DOCK4: variants seen among roughly 807,000 people sequenced by gnomAD.
DOCK4 encodes dedicator of cytokinesis protein 4.
A neutral mutation model predicts 268.1 loss-of-function variants in DOCK4; 97 were observed. The ratio of observed to expected loss-of-function variants is 0.36; its 90% CI spans 0.31 to 0.43. The LOEUF (loss-of-function observed/expected upper bound fraction) is 0.43, where lower values mean the gene tolerates loss of function less well. Ranked by LOEUF, DOCK4 falls within the 20% of genes least tolerant of loss-of-function variation. The probability of loss-of-function intolerance (pLI) is 1.00; values close to 1 mark genes in which losing one functional copy is unlikely to be tolerated. For synonymous variants in DOCK4, 954 were observed against 887.2 expected, an observed-to-expected ratio of 1.08 and a Z score of -1.34; for missense variants, 2,145 against 2,455.7, an observed-to-expected ratio of 0.87 and a Z score of 2.67.
At chr7:112,012,297 C>T (rs1801400579) in intron 1 of DOCK4, among the ~76,000 whole-genome samples, 1 of 151,234 alleles carries the variant, frequency 6.6e-6, no homozygotes, top group Non-Finnish European at 1.5e-5. Context: ...GCTTAAGAAC[C>T]TCAAGAGGAA....
intron 35 of DOCK4, 79 bp downstream of exon 35, chr7:111,782,785 C>G: frequency 7.0e-7 from 1 of 1,428,024 alleles, no homozygotes; most frequent in Admixed American, 1.7e-5. Flanking sequence ...GCAGATTAAA[C>G]ACAAACAAAA....
chr7:111,913,278 A>G (rs1050995333), intron 13 of DOCK4, among the ~76,000 whole-genome samples: 2 of 150,970 alleles, frequency 1.3e-5, no homozygotes, highest in African/African-American at 2.4e-5. Context: ...TCCTTTTAAC[A>G]TTGGAGGTGG....
chr7:111,861,107 AG>A (rs931601337), intron 23 of DOCK4, among the ~76,000 whole-genome samples: 1 of 152,174 alleles, frequency 6.6e-6, no homozygotes, highest in African/African-American at 2.4e-5. Flanking sequence ...GAGTTAAAGC[AG>A]GGTGCTCCGT....
intron 1 of DOCK4, among the ~76,000 whole-genome samples, chr7:112,108,384 T>C (rs1811324404): frequency 6.6e-6 from 1 of 152,186 alleles, no homozygotes; most frequent in African/African-American, 2.4e-5. Context: ...AAAGCCCTCA[T>C]TTTAGCCTGC....
chr7:111,860,740 T>C (rs991994912), intron 23 of DOCK4, among the ~76,000 whole-genome samples: 1 of 152,144 alleles, frequency 6.6e-6, no homozygotes, highest in African/African-American at 2.4e-5. Context: ...TCCCTTACCA[T>C]AGTACATACT....
chr7:112,206,388 T>C lies in DOCK4; in HGVS notation c.-250A>G. On this transcript the variant is annotated 5_prime_UTR_variant, in exon 1 of 53. An upstream start codon of the reference 5' UTR is lost. Coordinates refer to ENST00000428084, the MANE Select transcript of DOCK4 (RefSeq NM_001363540.2). ...TCCCGGGTACCCGGCGGCGCAGTCA[T>C]TGTTCTGATTCACTGAACTAAGCGA... 1 of 585,030 alleles carries C rather than the reference T, an allele frequency of 1.7e-6. No homozygotes were observed. The allele number at this position is 585,030 out of a possible 1,614,324, so 36.2% of individuals were successfully genotyped here.
In DOCK4 at chr7:111,742,250, C is replaced by T. The variant is rs7803753; in HGVS notation, c.4678-118G>A. ...TTGCATTATTGCTAATCCTCTGCCT[C>T]TGACAAGGTAGGAACAGCTGTCACT... On this transcript the variant is annotated intron_variant, in intron 44 of 52. Coordinates refer to ENST00000428084, the MANE Select transcript of DOCK4 (RefSeq NM_001363540.2). The T allele has an allele frequency of 3.5e-3, 3,898 of 1,104,296 alleles. 110 individuals are homozygous for T. In the African/African-American group the frequency reaches 0.055, roughly 15 times the overall value. 68.4% of individuals were successfully genotyped at this position (1,104,296 alleles called of 1,614,324 possible).
chr7:112,084,523 T>C (rs1174647852), intron 1 of DOCK4, among the ~76,000 whole-genome samples: 1 of 152,164 alleles, frequency 6.6e-6, no homozygotes, highest in Non-Finnish European at 1.5e-5. Flanking sequence ...TTAGCTTTGC[T>C]GAACAGTTCT....
intron 26 of DOCK4, among the ~76,000 whole-genome samples, chr7:111,828,246 C>A (rs1287413927): frequency 6.6e-6 from 1 of 152,088 alleles, no homozygotes; most frequent in Non-Finnish European, 1.5e-5. Context: ...GTCTTTGCTC[C>A]CACATACTTG....
chr7:112,016,698 G>C (rs1801838541), intron 1 of DOCK4, among the ~76,000 whole-genome samples: 1 of 152,038 alleles, frequency 6.6e-6, no homozygotes, highest in Admixed American at 6.6e-5. Flanking sequence ...AATATACTTA[G>C]TTTAGTCTTG....
chr7:111,909,892 G>T (rs1041879639), intron 13 of DOCK4, among the ~76,000 whole-genome samples: 2 of 151,854 alleles, frequency 1.3e-5, no homozygotes, highest in Non-Finnish European at 2.9e-5. Flanking sequence ...AGCCCAGAAG[G>T]CTGAGACTGT....
rs558454015 is a variant in DOCK4, at chr7:111,957,999, T to C, written c.702-12201A>G. On this transcript the variant is annotated intron_variant, in intron 8 of 52. Coordinates refer to ENST00000428084, the MANE Select transcript of DOCK4 (RefSeq NM_001363540.2). ...GACAGGGCTGAGAGCACAGTTCTTA[T>C]TAGCACAGTGTAACATGAAACAACT... Among the ~76,000 whole-genome samples, 6 of 152,338 alleles carry C rather than the reference T, an allele frequency of 3.9e-5. No homozygotes were observed. In the East Asian group the frequency reaches 1.2e-3, roughly 29 times the overall value.
At chr7:112,001,164 G>A (rs552586936) in intron 2 of DOCK4, among the ~76,000 whole-genome samples, 53 of 152,286 alleles carry the variant, frequency 3.5e-4, no homozygotes, top group Non-Finnish European at 5.9e-4. Context: ...AGAGCTCAGC[G>A]TAATTTTTAT....
chr7:111,752,492 A>C (rs568610506), intron 42 of DOCK4, among the ~76,000 whole-genome samples: 1 of 151,948 alleles, frequency 6.6e-6, no homozygotes, highest in Admixed American at 6.6e-5. Flanking sequence ...ATATTCTCGT[A>C]ATCTTTAGTT....
intron 26 of DOCK4, among the ~76,000 whole-genome samples, chr7:111,831,079 A>ATC (rs1433394991): frequency 6.6e-6 from 1 of 151,614 alleles, no homozygotes; most frequent in African/African-American, 2.4e-5. Context: ...CCCATAACCC[A>ATC]TCTCTCTCTC....
rs145142890 is a variant in DOCK4, at chr7:112,093,447, AG to A, written c.38-89317del. On this transcript the variant is annotated intron_variant, in intron 1 of 52. Coordinates refer to ENST00000428084, the MANE Select transcript of DOCK4 (RefSeq NM_001363540.2). ...ACATTTAAAGTCATCATACATTTAA[AG>A]GGGGGGGGAAACAATTATATTAATA... Among the ~76,000 whole-genome samples the A allele has an allele frequency of 8.8e-3, 1,324 of 151,156 alleles. 11 individuals are homozygous for A. Among genetic ancestry groups the A allele is most frequent in the Admixed American group, 0.017 (257 of 15,182 alleles).
Position 111,784,410 on chromosome 7 carries a change from A to G in DOCK4, c.3402-287T>C, listed in dbSNP as rs545614903. 29 of 616,832 alleles carry G rather than the reference A, an allele frequency of 4.7e-5. 1 individual carries two copies. Among genetic ancestry groups the G allele is most frequent in the South Asian group, 4.4e-4 (29 of 65,980 alleles). 38.2% of individuals were successfully genotyped at this position (616,832 alleles called of 1,614,324 possible). On this transcript the variant is annotated intron_variant, in intron 32 of 52. Coordinates refer to ENST00000428084, the MANE Select transcript of DOCK4 (RefSeq NM_001363540.2). The stretch of plus-strand genomic sequence containing the variant: ...TCTCAGTGGAATGCATCTTCATCCA[A>G]GCAATTTTACTGCAATGCAACTGCT...
chr7:111,858,795 TCC>T (rs1805231463), intron 23 of DOCK4, among the ~76,000 whole-genome samples: 1 of 148,434 alleles, frequency 6.7e-6, no homozygotes, highest in African/African-American at 2.6e-5. Flanking sequence ...TCCCTTCCTT[TCC>T]TTCCTTCCCT....
intron 8 of DOCK4, among the ~76,000 whole-genome samples, chr7:111,962,731 T>G (rs376914217): frequency 6.6e-6 from 1 of 152,188 alleles, no homozygotes; most frequent in Non-Finnish European, 1.5e-5. Flanking sequence ...AAGGTAATTG[T>G]AGGCAATACA....
Sources: gnomAD v4.1 joint callset for allele counts (sites outside exome capture counted in the v4.1 genomes callset) on GRCh38, gnomAD v4.1.1 for gene constraint, MANE v1.5 for transcripts, NCBI Gene and HGNC (gene_info 2026-07-23, HGNC 2026-07-21) for gene names.